IGSF3: variants seen among roughly 807,000 people sequenced by gnomAD.
IGSF3 encodes the protein immunoglobulin superfamily member 3.
In IGSF3, 23 loss-of-function variants were observed where a neutral mutation model predicts 114.4. That is an observed-to-expected ratio of 0.20 (90% confidence interval 0.14 to 0.28). IGSF3 has a LOEUF of 0.28. Ranked by LOEUF, IGSF3 falls within the 10% of genes least tolerant of loss-of-function variation. IGSF3 has a pLI of 1.00. For missense variants in IGSF3, 1,172 were observed against 1,591.5 expected, an observed-to-expected ratio of 0.74 and a Z score of 4.48; for synonymous variants, 571 against 645.2, an observed-to-expected ratio of 0.88 and a Z score of 1.74.
In IGSF3 at chr1:116,594,355, T is replaced by C. The variant is rs542306638; in HGVS notation, c.2030-5251A>G. ...TAAAGATATGATTAGGAATGTTATA[T>C]TGTATATGAATTTCATTTCTGGGTA... On this transcript the variant is annotated intron_variant, in intron 7 of 10. Transcript: ENST00000369486. This position sits in a 1 kb window ranked among gnomAD's most constrained non-coding sequence, Gnocchi z 5.2. Among the ~76,000 whole-genome samples, 47 of 152,258 alleles carry C rather than the reference T, an allele frequency of 3.1e-4. No homozygotes were observed. Among genetic ancestry groups the C allele is most frequent in the Admixed American group, 1.2e-3 (19 of 15,294 alleles).
At chr1:116,590,709 C>T (rs1402526637) in intron 7 of IGSF3, among the ~76,000 whole-genome samples, 2 of 152,058 alleles carry the variant, frequency 1.3e-5, no homozygotes, top group Non-Finnish European at 1.5e-5. Flanking sequence ...TGGTCATGAC[C>T]CTGGCCTGCC....
rs1176274499 is a variant in IGSF3, at chr1:116,632,711, G to A, written c.44-16254C>T. Reference sequence around the variant, plus strand: ...AACTCAGAGCTGACCTCGTCTGGCAGGATTAACTAGCCATACCTGTCCAGC... The same window carrying A: ...AACTCAGAGCTGACCTCGTCTGGCAAGATTAACTAGCCATACCTGTCCAGC... On this transcript the variant is annotated intron_variant, in intron 2 of 10. Coordinates refer to ENST00000369486, the MANE Select transcript of IGSF3 (RefSeq NM_001007237.3). The surrounding 1 kb of genome is among the most constrained non-coding windows in gnomAD (Gnocchi z 5.1). Among the ~76,000 whole-genome samples the A allele has an allele frequency of 6.6e-6, 1 of 152,200 alleles. No homozygotes were observed. Among genetic ancestry groups the A allele is most frequent in the Non-Finnish European group, 1.5e-5 (1 of 68,032 alleles).
At position 116,610,559 on chromosome 1, in the gene IGSF3, A is replaced by G. The variant is rs1660981721; in HGVS notation, c.833-2228T>C. Among the ~76,000 whole-genome samples, 1 of 152,114 alleles carries G rather than the reference A, an allele frequency of 6.6e-6. No homozygotes were observed. Among genetic ancestry groups the G allele is most frequent in the Non-Finnish European group, 1.5e-5 (1 of 68,010 alleles). Reference sequence around the variant, plus strand: ...CTTCACTGACTTAGCAAATGTCACAAATGATCCACCCTACCCCTACCCCCA... The same window carrying G: ...CTTCACTGACTTAGCAAATGTCACAGATGATCCACCCTACCCCTACCCCCA... On this transcript the variant is annotated intron_variant, in intron 4 of 10. Coordinates refer to ENST00000369486, the MANE Select transcript of IGSF3 (RefSeq NM_001007237.3). The surrounding 1 kb of genome is among the most constrained non-coding windows in gnomAD (Gnocchi z 4.3).
chr1:116,664,192 C>G lies in IGSF3; in HGVS notation c.43+2092G>C, dbSNP rs772233930. Among the ~76,000 whole-genome samples, 7 of 152,192 alleles carry G rather than the reference C, an allele frequency of 4.6e-5. No individual in the cohort carries two copies. Among genetic ancestry groups the G allele is most frequent in the Non-Finnish European group, 8.8e-5 (6 of 68,034 alleles). On this transcript the variant is annotated intron_variant, in intron 2 of 10. Coordinates refer to ENST00000369486, the MANE Select transcript of IGSF3 (RefSeq NM_001007237.3). This position sits in a 1 kb window ranked among gnomAD's most constrained non-coding sequence, Gnocchi z 4.6. ...CACATGCATGCCTACAGTTCCAAAC[C>G]TTCCCACTTCAGCCTGCATCTGGAT... is the stretch of plus-strand genomic sequence containing the variant.
chr1:116,587,221 T>A (rs541230488), intron 8 of IGSF3, among the ~76,000 whole-genome samples: 27 of 152,304 alleles, frequency 1.8e-4, no homozygotes, highest in African/African-American at 6.5e-4. Context: ...TGTGTGTGTA[T>A]ATATATATGT....
In IGSF3 at chr1:116,594,349, GT is replaced by G. The variant is rs1313933734; in HGVS notation, c.2030-5246del. ...AAATTTTAAAGATATGATTAGGAAT[GT>G]TATATTGTATATGAATTTCATTTCT... On this transcript the variant is annotated intron_variant, in intron 7 of 10. Transcript: ENST00000369486. This position sits in a 1 kb window ranked among gnomAD's most constrained non-coding sequence, Gnocchi z 5.2. Among the ~76,000 whole-genome samples, 3 of 152,166 alleles carry G rather than the reference GT, an allele frequency of 2.0e-5. No homozygotes were observed. The highest frequency in any genetic ancestry group is 4.4e-5 in the Non-Finnish European group (3 of 68,028).
intron 2 of IGSF3, chr1:116,646,865 C>CA (rs1242444894): frequency 2.0e-5 from 3 of 152,264 alleles, no homozygotes; most frequent in African/African-American, 7.2e-5. Flanking sequence ...AGTGAGCAAT[C>CA]ACTCACTTTC....
chr1:116,645,583 G>A (rs1648330909), intron 2 of IGSF3, among the ~76,000 whole-genome samples: 1 of 152,178 alleles, frequency 6.6e-6, no homozygotes, highest in Non-Finnish European at 1.5e-5. Context: ...GGCCCATGCT[G>A]GCTATGACTT....
Position 116,665,751 on chromosome 1 carries a change from A to G in IGSF3, c.43+533T>C, listed in dbSNP as rs1367407925. ...TTCCTTGGTGAGGAGACACAGGACT[A>G]GTGCCCTCACATTTTTAGCCTTCAG... On this transcript the variant is annotated intron_variant, in intron 2 of 10. Coordinates refer to ENST00000369486, the MANE Select transcript of IGSF3 (RefSeq NM_001007237.3). This position sits in a 1 kb window ranked among gnomAD's most constrained non-coding sequence, Gnocchi z 4.0. 2.6e-5 allele frequency among the ~76,000 whole-genome samples: 4 copies of G among 152,168 alleles called. No homozygotes were observed. Among genetic ancestry groups the G allele is most frequent in the Admixed American group, 2.6e-4 (4 of 15,282 alleles).
chr1:116,594,093 A>C lies in IGSF3; in HGVS notation c.2030-4989T>G, dbSNP rs1267532321. ...AGGATTTTCCTTTGTTTTGTTCAGA[A>C]TTGTAGCAAGAGTTACTCAGGACTT... On this transcript the variant is annotated intron_variant, in intron 7 of 10. Transcript: ENST00000369486. The surrounding 1 kb of genome is among the most constrained non-coding windows in gnomAD (Gnocchi z 5.2). Among the ~76,000 whole-genome samples, 3 of 152,332 alleles carry C rather than the reference A, an allele frequency of 2.0e-5. No individual in the cohort carries two copies. Among genetic ancestry groups the C allele is most frequent in the Non-Finnish European group, 4.4e-5 (3 of 68,028 alleles).
At chr1:116,613,649 A>G in intron 4 of IGSF3, 116 bp downstream of exon 4, 1 of 979,240 alleles carries the variant, frequency 1.0e-6, no homozygotes, top group Non-Finnish European at 1.5e-6. Context: ...TTAACTTCAC[A>G]TGAAAACCTG....
chr1:116,603,724 C>T lies in IGSF3; in HGVS notation c.1524G>A (p.Gln508=). ...CCCATTCAGTCACATGGCATTCATA[C>T]TGGCCCTCGTCCTCCTTCCTGCTGT... is the stretch of plus-strand genomic sequence containing the variant. The part of the protein sequence containing the change: ...IFNSRKEDEG[Q]YECHVTEWVR... Residue 508 remains glutamine (Q), a synonymous_variant, in exon 6 of 11, where the codon CAG becomes CAA. Transcript: ENST00000369486. The surrounding 1 kb of genome is among the most constrained non-coding windows in gnomAD (Gnocchi z 7.1). The T allele has an allele frequency of 1.2e-6, 2 of 1,613,998 alleles. No individual in the cohort carries two copies. Among genetic ancestry groups the T allele is most frequent in the South Asian group, 1.1e-5 (1 of 91,072 alleles).
intron 9 of IGSF3, among the ~76,000 whole-genome samples, chr1:116,580,376 T>C (rs959103152): frequency 6.6e-6 from 1 of 152,222 alleles, no homozygotes; most frequent in Non-Finnish European, 1.5e-5. Context: ...CAGTGGCTGG[T>C]GCTATGAACT....
chr1:116,660,472 T>C (rs962783198), intron 2 of IGSF3, among the ~76,000 whole-genome samples: 15 of 146,954 alleles, frequency 1.0e-4, no homozygotes, highest in Non-Finnish European at 1.8e-4. Context: ...GGCCTATGTA[T>C]GCTTTTCTTT....
At chr1:116,653,940 G>A (rs886104441) in intron 2 of IGSF3, among the ~76,000 whole-genome samples, 1 of 152,230 alleles carries the variant, frequency 6.6e-6, no homozygotes, top group Non-Finnish European at 1.5e-5. Context: ...AATATCAGAA[G>A]ACAGATTGTA....
rs940202932 is a variant in IGSF3 at position 116,618,681 on chromosome 1, C to G, written c.44-2224G>C. Among the ~76,000 whole-genome samples the G allele has an allele frequency of 6.6e-6, 1 of 152,184 alleles. No individual in the cohort carries two copies. Among genetic ancestry groups the G allele is most frequent in the African/African-American group, 2.4e-5 (1 of 41,440 alleles). ...ATGATGCACTTCTTAAAACATGTCC[C>G]CATCATTAAGTGACCCATGACTGTA... On this transcript the variant is annotated intron_variant, in intron 2 of 10. Coordinates refer to ENST00000369486, the MANE Select transcript of IGSF3 (RefSeq NM_001007237.3). This position sits in a 1 kb window ranked among gnomAD's most constrained non-coding sequence, Gnocchi z 4.7.
At chr1:116,658,492 T>C (rs2101082108) in intron 2 of IGSF3, among the ~76,000 whole-genome samples, 1 of 152,222 alleles carries the variant, frequency 6.6e-6, no homozygotes, top group Non-Finnish European at 1.5e-5. Context: ...CACTCACAGC[T>C]TTCTGATGTC....
chr1:116,656,290 AT>A lies in IGSF3; in HGVS notation c.43+9993del, dbSNP rs1323508326. Among the ~76,000 whole-genome samples, 3 of 132,070 alleles carry A rather than the reference AT, an allele frequency of 2.3e-5. No individual in the cohort carries two copies. In the East Asian group the frequency reaches 6.5e-4, roughly 29 times the overall value. 86.6% of individuals were successfully genotyped at this position (132,070 alleles called of 152,430 possible). On this transcript the variant is annotated intron_variant, in intron 2 of 10. Transcript: ENST00000369486. ...GGAACTTTCACATTTTACTTTCTAC[AT>A]TCTTTTTTTTTTTTTTTTTTTTTTT...
rs1491452181 is a variant in IGSF3, at chr1:116,579,652, TCG to T, written c.3072_3073del (p.Asp1024GlufsTer135). The T allele has an allele frequency of 3.1e-6, 5 of 1,587,478 alleles. No individual in the cohort carries two copies. The Admixed American group carries it at 8.6e-5, about 27-fold the overall frequency. ...CAGGGCCGTCCGCTCTGTTGGGTCG[TCG>T]TCGTCGTCGTCGTCCTCCTCCTCCT... is the stretch of plus-strand genomic sequence containing the variant. On this transcript the variant is annotated frameshift_variant, in exon 10 of 11. Transcript: ENST00000369486. LOFTEE classifies it high-confidence loss of function. This position sits in a 1 kb window ranked among gnomAD's most constrained non-coding sequence, Gnocchi z 6.4.
Sources: gnomAD v4.1 joint callset for allele counts (sites outside exome capture counted in the v4.1 genomes callset) on GRCh38, gnomAD v4.1.1 for gene constraint, Gnocchi (gnomAD v3.1) non-coding constraint, MANE v1.5 for transcripts, NCBI Gene and HGNC (gene_info 2026-07-23, HGNC 2026-07-21) for gene names.